The following CDH18 variants were observed in gnomAD, a reference collection of about 807,000 sequenced individuals.
CDH18 encodes cadherin-18.
A neutral mutation model predicts 67.9 loss-of-function variants in CDH18; 31 were observed. The ratio of observed to expected loss-of-function variants is 0.46; its 90% confidence interval spans 0.34 to 0.62. CDH18 has a LOEUF of 0.62. Ranked by LOEUF, CDH18 falls within the 20% of genes least tolerant of loss-of-function variation. The pLI, the probability that CDH18 is intolerant of heterozygous loss-of-function variation, is 0.01. For missense variants in CDH18, 890 were observed against 975.5 expected (o/e 0.91, Z 1.17); for synonymous variants, 362 against 347.2 (o/e 1.04, Z -0.48).
intron 11 of CDH18, among the ~76,000 whole-genome samples, chr5:19,500,498 T>C (rs537447130): frequency 2.0e-5 from 3 of 152,310 alleles, no homozygotes; most frequent in East Asian, 3.9e-4. Flanking sequence ...CTCAAGTACA[T>C]GTTTTCAGCT....
chr5:20,526,125 G>A (rs1756039868), intron 1 of CDH18, among the ~76,000 whole-genome samples: 1 of 152,062 alleles, frequency 6.6e-6, no homozygotes, highest in African/African-American at 2.4e-5. Context: ...TTCCCGACAG[G>A]GCAGCACAGC....
intron 1 of CDH18, among the ~76,000 whole-genome samples, chr5:20,328,896 A>C (rs1045819776): frequency 4.7e-5 from 7 of 149,746 alleles, no homozygotes; most frequent in African/African-American, 2.4e-5. Context: ...GGGTAGGATC[A>C]CCTGAGCCTG....
chr5:20,574,086 C>T (rs1379439103), intron 1 of CDH18, among the ~76,000 whole-genome samples: 2 of 151,244 alleles, frequency 1.3e-5, no homozygotes, highest in African/African-American at 4.8e-5. Flanking sequence ...CAGTTATTCA[C>T]TTCTGATACG....
At chr5:19,539,811 C>G (rs141877289) in intron 9 of CDH18, among the ~76,000 whole-genome samples, 6 of 152,166 alleles carry the variant, frequency 3.9e-5, no homozygotes, top group Admixed American at 1.3e-4. Context: ...TACCTCCCAC[C>G]AGCTCCCTCC....
intron 2 of CDH18, among the ~76,000 whole-genome samples, chr5:19,961,855 C>T (rs1796935973): frequency 2.6e-5 from 4 of 151,820 alleles, no homozygotes; most frequent in Admixed American, 2.0e-4. Flanking sequence ...CCCTTAATCT[C>T]GTTTGCAGTA....
intron 2 of CDH18, among the ~76,000 whole-genome samples, chr5:20,028,103 ATT>A (rs560141098): frequency 2.1e-5 from 3 of 144,466 alleles, no homozygotes; most frequent in Admixed American, 7.0e-5. Context: ...ACAACTTTCT[ATT>A]TTTTTTTTTT....
chr5:19,786,779 C>T (rs531335527), intron 3 of CDH18, among the ~76,000 whole-genome samples: 17 of 151,928 alleles, frequency 1.1e-4, no homozygotes, highest in Middle Eastern at 3.2e-3. Context: ...AGGTTACCAC[C>T]AGAAAGCCAT....
chr5:20,336,167 C>T (rs1282579581), intron 1 of CDH18, among the ~76,000 whole-genome samples: 1 of 152,056 alleles, frequency 6.6e-6, no homozygotes. Context: ...CTAGACTGCC[C>T]TCTGGTGGAC....
chr5:20,186,165 G>A (rs1738084836), intron 2 of CDH18, among the ~76,000 whole-genome samples: 1 of 151,906 alleles, frequency 6.6e-6, no homozygotes, highest in Non-Finnish European at 1.5e-5. Context: ...CTTGATCAAA[G>A]ACCTTAATAT....
chr5:20,319,036 A>T (rs1737735678), intron 1 of CDH18, among the ~76,000 whole-genome samples: 1 of 152,038 alleles, frequency 6.6e-6, no homozygotes, highest in African/African-American at 2.4e-5. Context: ...CACGGTCTGG[A>T]CCCCAGTCTA....
chr5:20,117,020 T>TGTGTGTGA (rs1447518752), intron 2 of CDH18, among the ~76,000 whole-genome samples: 46 of 145,582 alleles, frequency 3.2e-4, no homozygotes, highest in African/African-American at 1.2e-3. Context: ...TGTGTGTGTG[T>TGTGTGTGA]GTGTGTGTGA....
chr5:20,514,067 T>A (rs1257335892), intron 1 of CDH18, among the ~76,000 whole-genome samples: 1 of 152,126 alleles, frequency 6.6e-6, no homozygotes, highest in Non-Finnish European at 1.5e-5. Flanking sequence ...CACTGTAAGG[T>A]AGGTAGAAAA....
chr5:20,157,368 G>A (rs370697120), intron 2 of CDH18, among the ~76,000 whole-genome samples: 9 of 152,214 alleles, frequency 5.9e-5, no homozygotes, highest in East Asian at 1.9e-4. Flanking sequence ...AATGGAATGC[G>A]AGTGGACTAT....
At chr5:20,301,282 G>A (rs1020606358) in intron 1 of CDH18, among the ~76,000 whole-genome samples, 1 of 152,136 alleles carries the variant, frequency 6.6e-6, no homozygotes, top group African/African-American at 2.4e-5. Context: ...TACAAGCTGA[G>A]ATTATATTGT....
At chr5:19,798,483 T>A (rs1220518475) in intron 3 of CDH18, among the ~76,000 whole-genome samples, 1 of 152,020 alleles carries the variant, frequency 6.6e-6, no homozygotes, top group East Asian at 1.9e-4. Context: ...GATAAGCATT[T>A]TTATCTTTGA....
chr5:20,389,654 A>T (rs1744660036), intron 1 of CDH18, among the ~76,000 whole-genome samples: 3 of 152,128 alleles, frequency 2.0e-5, no homozygotes, highest in African/African-American at 7.2e-5. Context: ...GTTCATATGG[A>T]ACCAAAAAAG....
In CDH18 at chr5:19,994,851, T is replaced by TAGAGAGAGAGAG. The variant is rs796697683; in HGVS notation, c.-517-2838_-517-2837insCTCTCTCTCTCT. Among the ~76,000 whole-genome samples the TAGAGAGAGAGAG allele has an allele frequency of 4.2e-3, 163 of 39,202 alleles. 26 individuals carry two copies. Among genetic ancestry groups the TAGAGAGAGAGAG allele is most frequent in the East Asian group, 0.023 (17 of 744 alleles). The allele number at this position is 39,202 out of a possible 152,430, so 25.7% of individuals were successfully genotyped here. On this transcript the variant is annotated intron_variant, in intron 2 of 14. Coordinates refer to the CDH18 transcript ENST00000507958. ...GAGAATATATATATATATATATATA[T>TAGAGAGAGAGAG]ATATAGAGAGAGAGAGAGAGAGAGA...
At chr5:19,732,304 A>T (rs1490087133) in intron 4 of CDH18, among the ~76,000 whole-genome samples, 1 of 152,070 alleles carries the variant, frequency 6.6e-6, no homozygotes, top group Non-Finnish European at 1.5e-5. Context: ...AAAATAAAAA[A>T]TTATACAGAT....
chr5:19,715,471 C>T (rs1218343332), intron 5 of CDH18, among the ~76,000 whole-genome samples: 2 of 152,070 alleles, frequency 1.3e-5, no homozygotes, highest in African/African-American at 4.8e-5. Flanking sequence ...CAGTTTACCT[C>T]ATCTAGAGAC....
Sources: gnomAD v4.1 joint callset for allele counts (sites outside exome capture counted in the v4.1 genomes callset) on GRCh38, gnomAD v4.1.1 for gene constraint, MANE v1.5 for transcripts, NCBI Gene and HGNC (gene_info 2026-07-23, HGNC 2026-07-21) for gene names.